The following PTK2 variants were observed in gnomAD, a reference collection of about 807,000 sequenced individuals.
PTK2 encodes the protein protein tyrosine kinase 2.
In PTK2, 45 loss-of-function variants were observed where a neutral mutation model predicts 150.1. The observed-to-expected ratio is 0.30, with a 90% CI of 0.24 to 0.38. PTK2 has a LOEUF of 0.38. Ranked by LOEUF, PTK2 falls within the 10% of genes least tolerant of loss-of-function variation. PTK2 has a pLI of 1.00. For synonymous variants in PTK2, 432 were observed against 449.2 expected, an observed-to-expected ratio of 0.96 and a Z score of 0.48; for missense variants, 919 against 1,307.3, an observed-to-expected ratio of 0.70 and a Z score of 4.58.
chr8:140,998,994 T>C lies in PTK2; in HGVS notation c.-122+2131A>G, dbSNP rs866179802. Among the ~76,000 whole-genome samples the C allele has an allele frequency of 3.3e-5, 5 of 152,310 alleles. No individual in the cohort carries two copies. The Middle Eastern group carries it at 0.01, about 311-fold the overall frequency. On this transcript the variant is annotated intron_variant, in intron 1 of 31. Transcript: ENST00000522684. ...ATTTTAGTATAAAACGTTTTAATGA[T>C]CCTCACTGCCTCCTCACAATTTCAC...
At chr8:140,696,990 T>G (rs1208722284) in intron 26 of PTK2, among the ~76,000 whole-genome samples, 1 of 151,668 alleles carries the variant, frequency 6.6e-6, no homozygotes, top group African/African-American at 2.4e-5. Context: ...AAAAATTAGC[T>G]GGGCGTGGTG....
At chr8:140,841,496 A>G (rs1013339467) in intron 7 of PTK2, among the ~76,000 whole-genome samples, 7 of 152,140 alleles carry the variant, frequency 4.6e-5, no homozygotes, top group Non-Finnish European at 1.0e-4. Context: ...TGAATACACA[A>G]AAGTTTCAAA....
rs778597836 is a variant in PTK2, at chr8:140,951,894, A to AT, written c.-121-26146dup. ...AGCAAGACTCTATCTGCAAAGAAAA[A>AT]TTAAAAAAAAAAAAATTTTTTTTTT... On this transcript the variant is annotated intron_variant, in intron 1 of 31. Transcript: ENST00000522684. Among the ~76,000 whole-genome samples the AT allele has an allele frequency of 4.4e-3, 247 of 55,946 alleles. 1 individual carries two copies. The highest frequency in any genetic ancestry group is 5.0e-3 in the Non-Finnish European group (130 of 25,786). 36.7% of individuals were successfully genotyped at this position (55,946 alleles called of 152,430 possible). A position where few individuals can be genotyped will look rare whatever the true frequency, so the allele number is the denominator to read the frequency against.
At chr8:140,747,195 A>G (rs1253073046) in intron 17 of PTK2, 1 of 198,722 alleles carries the variant, frequency 5.0e-6, no homozygotes, top group Non-Finnish European at 1.0e-5. Flanking sequence ...CGGCCTAGTT[A>G]TTCTTTTGAA....
chr8:140,980,377 G>C (rs922651397), intron 1 of PTK2, among the ~76,000 whole-genome samples: 3 of 152,188 alleles, frequency 2.0e-5, no homozygotes, highest in Non-Finnish European at 4.4e-5. Context: ...CAGCACTTTG[G>C]GAGGCCGAAG....
At chr8:140,720,122 A>G (rs1210499110) in intron 22 of PTK2, among the ~76,000 whole-genome samples, 3 of 152,128 alleles carry the variant, frequency 2.0e-5, no homozygotes, top group Admixed American at 2.0e-4. Context: ...CACCAAGCAC[A>G]TAATGTTTGT....
chr8:140,922,142 G>A (rs2100167690), intron 2 of PTK2, among the ~76,000 whole-genome samples: 1 of 152,158 alleles, frequency 6.6e-6, no homozygotes, highest in African/African-American at 2.4e-5. Flanking sequence ...AAAGGCTGAG[G>A]AGAACAAGAG....
chr8:140,928,378 G>A (rs933313554), intron 1 of PTK2, among the ~76,000 whole-genome samples: 2 of 152,168 alleles, frequency 1.3e-5, no homozygotes, highest in African/African-American at 4.8e-5. Flanking sequence ...TGGTACAACT[G>A]CTATGGAAAA....
At chr8:140,793,238 T>C (rs2100089578) in intron 13 of PTK2, 116 bp downstream of exon 13, 1 of 1,108,112 alleles carries the variant, frequency 9.0e-7, no homozygotes, top group Non-Finnish European at 1.3e-6. Context: ...TGTTTCCTAG[T>C]TCCTTGATCA....
intron 31 of PTK2, among the ~76,000 whole-genome samples, chr8:140,660,028 T>C (rs1195674451): frequency 1.3e-5 from 2 of 152,158 alleles, no homozygotes; most frequent in South Asian, 2.1e-4. Flanking sequence ...ATTTAAACAT[T>C]TTTTTTACTT....
Position 140,850,030 on chromosome 8 carries a change from G to T in PTK2, c.451-3352C>A, listed in dbSNP as rs147178052. On this transcript the variant is annotated intron_variant, in intron 5 of 31. Coordinates refer to ENST00000522684, the Ensembl canonical transcript of PTK2. ...CATCTCCTGAGGTATTGGAACACTG[G>T]CACTGTGTTGTACTCTCTTTTTCTA... Among the ~76,000 whole-genome samples the T allele has an allele frequency of 4.5e-3, 681 of 152,226 alleles. 4 individuals are homozygous for T. Among genetic ancestry groups the T allele is most frequent in the African/African-American group, 0.016 (645 of 41,526 alleles).
At chr8:140,922,960 C>A (rs2100168104) in intron 2 of PTK2, among the ~76,000 whole-genome samples, 2 of 152,054 alleles carry the variant, frequency 1.3e-5, no homozygotes, top group Admixed American at 1.3e-4. Flanking sequence ...GTGACTGGAG[C>A]TAATGCAGTC....
At chr8:140,892,847 C>T (rs1197954349) in intron 2 of PTK2, among the ~76,000 whole-genome samples, 1 of 151,976 alleles carries the variant, frequency 6.6e-6, no homozygotes, top group African/African-American at 2.4e-5. Context: ...AAAAGATATA[C>T]CAAGTGTAGG....
At chr8:140,732,302 T>C (rs950714142) in intron 22 of PTK2, among the ~76,000 whole-genome samples, 1 of 152,192 alleles carries the variant, frequency 6.6e-6, no homozygotes, top group Non-Finnish European at 1.5e-5. Context: ...AACAGAACAA[T>C]GCAGAATGAA....
chr8:140,878,562 G>A (rs1480475307), intron 4 of PTK2, among the ~76,000 whole-genome samples: 1 of 151,712 alleles, frequency 6.6e-6, no homozygotes, highest in Non-Finnish European at 1.5e-5. Flanking sequence ...CCACCGTACT[G>A]CAGCCTGGGT....
intron 14 of PTK2, among the ~76,000 whole-genome samples, chr8:140,767,517 G>A (rs1243838452): frequency 6.6e-6 from 1 of 151,958 alleles, no homozygotes; most frequent in Non-Finnish European, 1.5e-5. Flanking sequence ...ACAGGTTCTT[G>A]CTCTGTCGCC....
rs1398142741 is a variant in PTK2 at position 140,927,953 on chromosome 8, A to G, written c.-121-2204T>C. On this transcript the variant is annotated intron_variant, in intron 1 of 31. Coordinates refer to ENST00000522684, the Ensembl canonical transcript of PTK2. ...CCATCTCAAAAAGAAAAAAAAAAAA[A>G]AAAAGAAAAAAAAAAAAAAAAAATA... 4.6e-3 allele frequency among the ~76,000 whole-genome samples: 392 copies of G among 84,548 alleles called. 3 individuals are homozygous for G. Among genetic ancestry groups the G allele is most frequent in the African/African-American group, 0.017 (382 of 22,178 alleles). The allele number at this position is 84,548 out of a possible 152,430, so 55.5% of individuals were successfully genotyped here.
chr8:140,985,974 T>G (rs1379592723), intron 1 of PTK2, among the ~76,000 whole-genome samples: 2 of 152,186 alleles, frequency 1.3e-5, no homozygotes, highest in Non-Finnish European at 2.9e-5. Context: ...GCTATATAGA[T>G]TCCAAAAAAT....
chr8:140,735,874 C>T (rs2100052316), intron 21 of PTK2, among the ~76,000 whole-genome samples: 2 of 152,194 alleles, frequency 1.3e-5, no homozygotes, highest in South Asian at 4.1e-4. Context: ...AAGTCTTACG[C>T]TTTTGGAAAA....
Sources: allele counts gnomAD v4.1 joint callset (sites outside exome capture counted in the v4.1 genomes callset), GRCh38; gene constraint gnomAD v4.1.1; transcripts MANE v1.5; gene names NCBI Gene and HGNC (gene_info 2026-07-23, HGNC 2026-07-21).